The following IQCK variants were observed in gnomAD, a reference collection of about 807,000 sequenced individuals.
IQCK encodes the protein IQ domain-containing protein K.
Under a neutral mutation model 28.1 loss-of-function variants are expected in IQCK, and 29 were observed. That is an observed-to-expected ratio of 1.03 (90% CI 0.77 to 1.41). The LOEUF (loss-of-function observed/expected upper bound fraction) is 1.41. IQCK is among the 40% of genes most tolerant of loss of function. IQCK has a pLI of 0.00. For missense variants in IQCK, 359 were observed against 314.7 expected, an observed-to-expected ratio of 1.14 and a Z score of -1.07; for synonymous variants, 113 against 115.1, an observed-to-expected ratio of 0.98 and a Z score of 0.12.
At chr16:19,761,290 A>G (rs1328914950) in intron 4 of IQCK, 2 of 433,048 alleles carry the variant, frequency 4.6e-6, no homozygotes, top group Non-Finnish European at 9.2e-6. Flanking sequence ...GGGTGATACA[A>G]TTCAACCCCT....
intron 4 of IQCK, among the ~76,000 whole-genome samples, chr16:19,745,175 T>A (rs986355877): frequency 1.3e-5 from 2 of 152,246 alleles, no homozygotes; most frequent in African/African-American, 4.8e-5. Flanking sequence ...GTCCTCATAT[T>A]TGACCCTGCT....
intron 3 of IQCK, among the ~76,000 whole-genome samples, chr16:19,735,028 C>T (rs1467951741): frequency 2.6e-5 from 4 of 152,184 alleles, no homozygotes; most frequent in African/African-American, 9.6e-5. Context: ...CTCTCTGCTC[C>T]CATTTCCTAC....
At chr16:19,845,931 C>G (rs1235181985) in intron 9 of IQCK, among the ~76,000 whole-genome samples, 2 of 152,058 alleles carry the variant, frequency 1.3e-5, no homozygotes, top group East Asian at 3.9e-4. Context: ...AAAAAATTAG[C>G]CAGGCGTGGT....
intron 9 of IQCK, among the ~76,000 whole-genome samples, chr16:19,834,303 G>A (rs76759667): frequency 3.3e-5 from 5 of 152,248 alleles, no homozygotes; most frequent in East Asian, 1.9e-4. Flanking sequence ...CATCTCCATC[G>A]TACAGATGAG....
At chr16:19,729,222 C>G (rs1048298377) in intron 1 of IQCK, among the ~76,000 whole-genome samples, 3 of 152,196 alleles carry the variant, frequency 2.0e-5, no homozygotes, top group Non-Finnish European at 2.9e-5. Flanking sequence ...ATTCTCCTGC[C>G]TCAGCCTCCT....
intron 4 of IQCK, among the ~76,000 whole-genome samples, chr16:19,742,016 T>C (rs2054842731): frequency 1.3e-5 from 2 of 152,082 alleles, no homozygotes; most frequent in African/African-American, 4.8e-5. Context: ...ACAAACTTGT[T>C]CACTTATAAG....
intron 6 of IQCK, among the ~76,000 whole-genome samples, chr16:19,779,969 G>A (rs940766223): frequency 1.3e-5 from 2 of 150,440 alleles, no homozygotes; most frequent in South Asian, 2.1e-4. Flanking sequence ...CACCCGTCTC[G>A]GCCTCCCAAA....
intron 1 of IQCK, among the ~76,000 whole-genome samples, chr16:19,719,463 C>G (rs1244668462): frequency 6.6e-6 from 1 of 151,268 alleles, no homozygotes; most frequent in African/African-American, 2.4e-5. Context: ...TGGTGGTGTG[C>G]GCCTATAATC....
chr16:19,735,981 C>CAAA, intron 4 of IQCK: 1 of 394,466 alleles, frequency 2.5e-6, no homozygotes, highest in South Asian at 1.9e-5. Context: ...CAGGAAGGCC[C>CAAA]CTTGAGGCCC....
At chr16:19,817,992 G>T (rs911855693) in intron 7 of IQCK, among the ~76,000 whole-genome samples, 1 of 152,140 alleles carries the variant, frequency 6.6e-6, no homozygotes, top group Non-Finnish European at 1.5e-5. Context: ...TCTCATGAAG[G>T]TTATCAGTTG....
intron 1 of IQCK, among the ~76,000 whole-genome samples, chr16:19,727,587 C>T (rs1470702153): frequency 1.7e-5 from 1 of 58,902 alleles, no homozygotes; most frequent in African/African-American, 1.3e-4. Flanking sequence ...ACTTTGTCAC[C>T]CCCCCCCCCC....
At chr16:19,760,094 A>G (rs865832581) in intron 4 of IQCK, among the ~76,000 whole-genome samples, 36 of 152,316 alleles carry the variant, frequency 2.4e-4, no homozygotes, top group South Asian at 8.3e-4. Context: ...ACTATACTCC[A>G]GCCTGGGTGA....
intron 6 of IQCK, among the ~76,000 whole-genome samples, chr16:19,779,846 T>C (rs2055452229): frequency 1.3e-5 from 2 of 150,196 alleles, no homozygotes; most frequent in African/African-American, 2.4e-5. Context: ...GCCTCCCGAG[T>C]AGCTGGGACT....
At chr16:19,728,515 G>T (rs1977730267) in intron 1 of IQCK, among the ~76,000 whole-genome samples, 1 of 152,134 alleles carries the variant, frequency 6.6e-6, no homozygotes, top group Admixed American at 6.6e-5. Flanking sequence ...CTCGTAAAGT[G>T]CTGGGATTAC....
At chr16:19,720,453 T>C (rs1181415942) in intron 1 of IQCK, among the ~76,000 whole-genome samples, 5 of 152,276 alleles carry the variant, frequency 3.3e-5, no homozygotes, top group Admixed American at 2.0e-4. Flanking sequence ...CAGCCTCATC[T>C]GTAAGAGACA....
At chr16:19,819,507 T>A (rs188979497) in intron 7 of IQCK, 2,141 of 151,864 alleles carry the variant, frequency 0.014, 50 homozygotes, top group African/African-American at 0.048. Flanking sequence ...AAAAAAAAAA[T>A]TTCACAAGGG....
intron 6 of IQCK, among the ~76,000 whole-genome samples, chr16:19,782,650 A>G (rs1023226547): frequency 5.3e-5 from 8 of 152,036 alleles, no homozygotes; most frequent in African/African-American, 1.9e-4. Flanking sequence ...GAAAGAGAGA[A>G]AGAAAAGTGG....
chr16:19,812,431 G>T (rs185837500), intron 7 of IQCK, among the ~76,000 whole-genome samples: 1 of 152,250 alleles, frequency 6.6e-6, no homozygotes, highest in Admixed American at 6.5e-5. Context: ...CTAGCCTACT[G>T]CCTGTTTTAT....
chr16:19,851,514 T>C (rs1344033895), intron 9 of IQCK, among the ~76,000 whole-genome samples: 2 of 152,190 alleles, frequency 1.3e-5, no homozygotes, highest in East Asian at 3.9e-4. Flanking sequence ...TTCTCTGGGC[T>C]GTGAATTGAA....
Sources: allele counts gnomAD v4.1 joint callset (sites outside exome capture counted in the v4.1 genomes callset), GRCh38; gene constraint gnomAD v4.1.1; transcripts MANE v1.5; gene names NCBI Gene and HGNC (gene_info 2026-07-23, HGNC 2026-07-21).